The following SOD2 variants were observed in gnomAD, a reference collection of about 807,000 sequenced individuals.
SOD2 encodes superoxide dismutase [Mn], mitochondrial.
Under a neutral mutation model 27.0 loss-of-function variants are expected in SOD2, and 11 were observed. The ratio of observed to expected loss-of-function variants is 0.41; its 90% CI spans 0.26 to 0.67. The LOEUF is 0.67. Ranked by LOEUF, SOD2 falls within the 30% of genes least tolerant of loss-of-function variation. The pLI is 0.34. For synonymous variants in SOD2, 105 were observed against 103.0 expected (o/e 1.02, Z -0.12); for missense variants, 250 against 274.5 (o/e 0.91, Z 0.63).
upstream of SOD2, among the ~76,000 whole-genome samples, chr6:159,697,968 C>T (rs939463819): frequency 1.7e-4 from 26 of 152,150 alleles, no homozygotes; most frequent in African/African-American, 5.8e-4. Context: ...GGTGAAACCC[C>T]ATCTCTACTA....
upstream of SOD2, among the ~76,000 whole-genome samples, chr6:159,729,986 A>G (rs1778468594): frequency 1.3e-5 from 2 of 152,322 alleles, no homozygotes; most frequent in African/African-American, 4.8e-5. Flanking sequence ...TTAAGGCATC[A>G]AGAGTAGATG....
In SOD2 at chr6:159,681,313, A is replaced by G. The variant is rs1779953932; in HGVS notation, c.*1180T>C. Reference sequence around the variant, plus strand: ...GTCATAACAGTTTCAAACAATAGCCAGGGAAGTTAGAGTCACCTAGAGACA... The same window carrying G: ...GTCATAACAGTTTCAAACAATAGCCGGGGAAGTTAGAGTCACCTAGAGACA... On this transcript the variant is annotated 3_prime_UTR_variant, in exon 5 of 5. Transcript: ENST00000538183. 1 of 152,106 alleles carries G rather than the reference A, an allele frequency of 6.6e-6. No homozygotes were observed. Among genetic ancestry groups the G allele is most frequent in the Non-Finnish European group, 1.5e-5 (1 of 68,032 alleles). The allele number at this position is 152,106 out of a possible 1,614,324, so 9.4% of individuals were successfully genotyped here. A position where few individuals can be genotyped will look rare whatever the true frequency, so the allele number is the denominator to read the frequency against.
rs1226512570 is a variant in SOD2, at chr6:159,761,835, C to CCGCCCCG, written c.-1141_-1135dup. The CCGCCCCG allele has an allele frequency of 2.7e-4, 60 of 219,268 alleles. 1 individual carries two copies. Among genetic ancestry groups the CCGCCCCG allele is most frequent in the East Asian group, 1.4e-3 (14 of 10,088 alleles). 13.6% of individuals were successfully genotyped at this position (219,268 alleles called of 1,614,324 possible). A position where few individuals can be genotyped will look rare whatever the true frequency, so the allele number is the denominator to read the frequency against. On this transcript the variant is annotated 5_prime_UTR_variant, in exon 1 of 8. Coordinates refer to the SOD2 transcript ENST00000546087. ...GCAAGCCCAGACCCCGGCCTCACTT[C>CCGCCCCG]CGCCCCGCGCCCCGCGCCCCGGCCT...
At chr6:159,717,956 C>T (rs1176042547) in intron 1 of SOD2, among the ~76,000 whole-genome samples, 2 of 151,468 alleles carry the variant, frequency 1.3e-5, no homozygotes, top group African/African-American at 4.9e-5. Flanking sequence ...TACACTCACA[C>T]ATACACAATT....
At chr6:159,693,984 T>C (rs1002210943), upstream of SOD2, among the ~76,000 whole-genome samples, 29 of 152,240 alleles carry the variant, frequency 1.9e-4, no homozygotes, top group African/African-American at 7.0e-4. Flanking sequence ...ATCTTTATTT[T>C]TACCCCTAGG....
intron 1 of SOD2, among the ~76,000 whole-genome samples, chr6:159,757,559 T>C (rs2114966469): frequency 6.6e-6 from 1 of 152,080 alleles, no homozygotes; most frequent in Middle Eastern, 3.4e-3. Flanking sequence ...ATTACAGGCG[T>C]GCGCCACCAT....
intron 1 of SOD2, chr6:159,713,987 G>A (rs1777878887): frequency 1.4e-5 from 11 of 797,836 alleles, no homozygotes; most frequent in Admixed American, 2.6e-5. Flanking sequence ...GCTCAGCATC[G>A]TGGCGACTGT....
At chr6:159,745,106 C>T (rs539646082) in intron 1 of SOD2, 1 of 152,316 alleles carries the variant, frequency 6.6e-6, no homozygotes, top group South Asian at 2.1e-4. Context: ...ACAAATTTCC[C>T]TTTACACGAG....
intron 1 of SOD2, among the ~76,000 whole-genome samples, chr6:159,721,323 T>C (rs914761422): frequency 1.3e-5 from 2 of 152,036 alleles, no homozygotes; most frequent in African/African-American, 4.8e-5. Flanking sequence ...CGCCTCGGCC[T>C]CCCAAAGTGC....
At chr6:159,686,034 C>G (rs1268468539) in intron 3 of SOD2, among the ~76,000 whole-genome samples, 6 of 152,204 alleles carry the variant, frequency 3.9e-5, no homozygotes, top group Non-Finnish European at 8.8e-5. Flanking sequence ...CCAGCTCTTC[C>G]TGTCTTGATG....
chr6:159,674,496 C>T lies in SOD2; in HGVS notation c.*7997G>A, dbSNP rs962213030. On this transcript the variant is annotated 3_prime_UTR_variant, in exon 5 of 5. Coordinates refer to ENST00000538183, the MANE Select transcript of SOD2 (RefSeq NM_000636.4). ...TATAAACAGAACCAAAGACAAAAAC[C>T]ACATGATTATCTCAACAGATGCAGA... The T allele has an allele frequency of 1.3e-5, 2 of 152,140 alleles. No individual in the cohort carries two copies. Among genetic ancestry groups the T allele is most frequent in the African/African-American group, 2.4e-5 (1 of 41,410 alleles). The allele number at this position is 152,140 out of a possible 1,614,324, so 9.4% of individuals were successfully genotyped here. A position where few individuals can be genotyped will look rare whatever the true frequency, so the allele number is the denominator to read the frequency against.
At chr6:159,721,319 G>A (rs1163522998) in intron 1 of SOD2, among the ~76,000 whole-genome samples, 4 of 151,636 alleles carry the variant, frequency 2.6e-5, no homozygotes, top group Non-Finnish European at 4.4e-5. Context: ...TGCCCGCCTC[G>A]GCCTCCCAAA....
chr6:159,732,487 G>A (rs777353248), intron 1 of SOD2, among the ~76,000 whole-genome samples: 4 of 152,088 alleles, frequency 2.6e-5, no homozygotes, highest in African/African-American at 7.2e-5. Context: ...CTGATATACC[G>A]GTTAAATATG....
intron 1 of SOD2, among the ~76,000 whole-genome samples, chr6:159,702,810 A>G (rs1368314290): frequency 7.4e-6 from 1 of 134,694 alleles, no homozygotes; most frequent in African/African-American, 2.8e-5. Context: ...TGATGGCACC[A>G]CTGCACTCCA....
At chr6:159,747,380 C>T (rs961751855), upstream of SOD2, among the ~76,000 whole-genome samples, 1 of 152,104 alleles carries the variant, frequency 6.6e-6, no homozygotes, top group African/African-American at 2.4e-5. Flanking sequence ...TGGCACTGAA[C>T]TAAACAGTTG....
chr6:159,715,904 A>AG (rs1491503529), intron 1 of SOD2, among the ~76,000 whole-genome samples: 1 of 133,824 alleles, frequency 7.5e-6, no homozygotes. Flanking sequence ...TGTCTCAAGG[A>AG]AAAAAAAAAA....
At chr6:159,750,429 AG>A (rs1331229881) in intron 1 of SOD2, among the ~76,000 whole-genome samples, 1 of 152,204 alleles carries the variant, frequency 6.6e-6, no homozygotes, top group Non-Finnish European at 1.5e-5. Context: ...AATACTGTAG[AG>A]AAAGGGGGAG....
At chr6:159,753,708 A>C (rs190351467) in intron 1 of SOD2, 2 of 1,424,984 alleles carry the variant, frequency 1.4e-6, no homozygotes, top group South Asian at 1.4e-5. Context: ...GATTCTGTAC[A>C]TTGTTAACCT....
At chr6:159,696,069 A>C (rs577990866), upstream of SOD2, among the ~76,000 whole-genome samples, 1 of 152,338 alleles carries the variant, frequency 6.6e-6, no homozygotes, top group African/African-American at 2.4e-5. Context: ...TATTAACTGC[A>C]TTCATATTCC....
Sources: allele counts gnomAD v4.1 joint callset (sites outside exome capture counted in the v4.1 genomes callset), GRCh38; gene constraint gnomAD v4.1.1; transcripts MANE v1.5; gene names NCBI Gene and HGNC (gene_info 2026-07-23, HGNC 2026-07-21).